VPS50: variants seen among roughly 807,000 people sequenced by gnomAD.
VPS50 encodes the protein VPS50 subunit of EARP/GARPII complex, also known as syndetin.
VPS50 carries 70 observed loss-of-function variants against 139.7 expected under a neutral mutation model. That is an observed-to-expected ratio of 0.50 (90% CI 0.41 to 0.61). The LOEUF is 0.61. Among genes scored for constraint, VPS50 ranks in the 20% least tolerant of loss-of-function variants. The pLI is 0.00. For synonymous variants in VPS50, 365 were observed against 376.7 expected (o/e 0.97, Z 0.36); for missense variants, 921 against 1,133.7 (o/e 0.81, Z 2.69).
chr7:93,308,976 T>G, intron 19 of VPS50, 34 bp downstream of exon 19: 1 of 1,115,542 alleles, frequency 9.0e-7, no homozygotes, highest in Non-Finnish European at 1.4e-6. Flanking sequence ...TATTTAGCAT[T>G]TTATCTTGTG....
intron 20 of VPS50, among the ~76,000 whole-genome samples, chr7:93,318,548 C>T (rs1480445739): frequency 6.6e-6 from 1 of 152,090 alleles, no homozygotes; most frequent in Non-Finnish European, 1.5e-5. Flanking sequence ...AATATTCTTC[C>T]AACTCAGAAT....
At chr7:93,254,460 C>A (rs1795429134) in intron 4 of VPS50, among the ~76,000 whole-genome samples, 1 of 151,986 alleles carries the variant, frequency 6.6e-6, no homozygotes, top group South Asian at 2.1e-4. Context: ...GTAGAGATGA[C>A]ATCTCACTGT....
At chr7:93,320,368 T>A in intron 20 of VPS50, 1 of 151,606 alleles carries the variant, frequency 6.6e-6, no homozygotes, top group Non-Finnish European at 1.5e-5. Context: ...TTTTCTTTTT[T>A]TTTTTAGACG....
At chr7:93,318,612 A>T (rs1797501177) in intron 20 of VPS50, among the ~76,000 whole-genome samples, 2 of 152,190 alleles carry the variant, frequency 1.3e-5, no homozygotes, top group Non-Finnish European at 2.9e-5. Context: ...GAGAGCCTTA[A>T]ATCATTTTTG....
intron 21 of VPS50, among the ~76,000 whole-genome samples, chr7:93,333,043 C>T (rs10241562): frequency 0.49 from 74,396 of 151,866 alleles, 20,235 homozygotes; most frequent in African/African-American, 0.73. Context: ...AGATTGTATG[C>T]TATTACCAAA....
intron 9 of VPS50, among the ~76,000 whole-genome samples, chr7:93,259,940 A>G (rs1584398279): frequency 6.6e-6 from 1 of 152,160 alleles, no homozygotes; most frequent in Non-Finnish European, 1.5e-5. Flanking sequence ...CATATCTCCA[A>G]TGCATCTCTT....
At chr7:93,243,903 C>T (rs1165170306) in intron 2 of VPS50, among the ~76,000 whole-genome samples, 1 of 151,810 alleles carries the variant, frequency 6.6e-6, no homozygotes, top group African/African-American at 2.4e-5. Flanking sequence ...ACAATGTGAA[C>T]CTGAAAAAGA....
chr7:93,325,187 CA>C (rs1284598552), intron 21 of VPS50, among the ~76,000 whole-genome samples: 1 of 152,118 alleles, frequency 6.6e-6, no homozygotes, highest in African/African-American at 2.4e-5. Context: ...GAAAAACAAG[CA>C]ATGGGGAAAG....
At chr7:93,283,401 A>G (rs1796387995) in intron 12 of VPS50, among the ~76,000 whole-genome samples, 1 of 151,736 alleles carries the variant, frequency 6.6e-6, no homozygotes, top group Admixed American at 6.6e-5. Flanking sequence ...ACACCCGGCT[A>G]ATTTTTGTAT....
chr7:93,273,519 A>C (rs1171712865), intron 11 of VPS50: 2 of 152,112 alleles, frequency 1.3e-5, no homozygotes, highest in Non-Finnish European at 2.9e-5. Flanking sequence ...GTCTTAAGCT[A>C]TACCCAAGAA....
At chr7:93,334,577 G>T (rs1353485812) in intron 22 of VPS50, among the ~76,000 whole-genome samples, 6 of 152,170 alleles carry the variant, frequency 3.9e-5, no homozygotes, top group Non-Finnish European at 7.3e-5. Flanking sequence ...CTTGAGGTGG[G>T]TGCAGCCCGA....
chr7:93,301,678 T>C (rs1216309920), intron 16 of VPS50, among the ~76,000 whole-genome samples: 2 of 152,156 alleles, frequency 1.3e-5, no homozygotes, highest in African/African-American at 4.8e-5. Context: ...GATACTGATT[T>C]TCAGGCTCTG....
intron 25 of VPS50, among the ~76,000 whole-genome samples, chr7:93,351,866 GTTAT>G (rs1391765180): frequency 6.6e-6 from 1 of 152,170 alleles, no homozygotes; most frequent in East Asian, 1.9e-4. Flanking sequence ...GCTTGTTTCA[GTTAT>G]TTGTTATTCC....
intron 23 of VPS50, among the ~76,000 whole-genome samples, chr7:93,346,065 A>G (rs560186402): frequency 1.3e-5 from 2 of 152,366 alleles, no homozygotes; most frequent in East Asian, 1.9e-4. Flanking sequence ...ACATGATTGT[A>G]TATCTACAAA....
chr7:93,318,482 A>G (rs962391302), intron 20 of VPS50, among the ~76,000 whole-genome samples: 1 of 152,168 alleles, frequency 6.6e-6, no homozygotes, highest in Non-Finnish European at 1.5e-5. Context: ...ATGGCTTTAT[A>G]TGCCATTTAT....
In VPS50 at chr7:93,276,752, C is replaced by G. The variant is rs146672342; in HGVS notation, c.942+447C>G. Among the ~76,000 whole-genome samples, 120 of 152,114 alleles carry G rather than the reference C, an allele frequency of 7.9e-4. 2 individuals are homozygous for G. The East Asian group carries it at 0.022, about 27-fold the overall frequency. On this transcript the variant is annotated intron_variant, in intron 12 of 27. Transcript: ENST00000305866. ...AACATAGGTCTTTAGGTAATATAAC[C>G]CAGCAGGTGAGAAGTGGACTGACTT...
At chr7:93,271,666 C>T (rs925728378) in intron 10 of VPS50, among the ~76,000 whole-genome samples, 4 of 151,622 alleles carry the variant, frequency 2.6e-5, no homozygotes, top group African/African-American at 2.4e-5. Flanking sequence ...TCCTAAACCT[C>T]ATAATGATAC....
At chr7:93,297,321 T>G in intron 16 of VPS50, 78 bp downstream of exon 16, 1 of 1,295,704 alleles carries the variant, frequency 7.7e-7, no homozygotes, top group Non-Finnish European at 1.0e-6. Flanking sequence ...TCTTATAGCA[T>G]TAATTGATTT....
intron 11 of VPS50, among the ~76,000 whole-genome samples, chr7:93,273,843 C>T (rs1446928655): frequency 2.6e-5 from 4 of 152,110 alleles, no homozygotes; most frequent in Non-Finnish European, 4.4e-5. Context: ...GTTTTTCCAA[C>T]AGTATGCATG....
Sources: allele counts gnomAD v4.1 joint callset (sites outside exome capture counted in the v4.1 genomes callset), GRCh38; gene constraint gnomAD v4.1.1; transcripts MANE v1.5; gene names NCBI Gene and HGNC (gene_info 2026-07-23, HGNC 2026-07-21).